The following TBC1D5 variants were observed in gnomAD, a reference collection of about 807,000 sequenced individuals.
TBC1D5 encodes TBC1 domain family member 5.
Under a neutral mutation model 100.3 loss-of-function variants are expected in TBC1D5, and 75 were observed. The observed-to-expected ratio is 0.75, with a 90% confidence interval of 0.62 to 0.91. The LOEUF is 0.91. Ranked by LOEUF, TBC1D5 falls within the 40% of genes least tolerant of loss-of-function variation. The pLI is 0.00. For synonymous variants in TBC1D5, 323 were observed against 325.6 expected (o/e 0.99, Z 0.09); for missense variants, 910 against 942.4 (o/e 0.97, Z 0.45).
intron 9 of TBC1D5, among the ~76,000 whole-genome samples, chr3:17,379,219 T>A (rs764073198): frequency 6.6e-6 from 1 of 152,008 alleles, no homozygotes; most frequent in African/African-American, 2.4e-5. Context: ...TTAAATTAAC[T>A]TGAGGAGAGT....
At chr3:17,710,384 G>A (rs1560528656) in intron 1 of TBC1D5, among the ~76,000 whole-genome samples, 1 of 152,030 alleles carries the variant, frequency 6.6e-6, no homozygotes, top group Non-Finnish European at 1.5e-5. Flanking sequence ...GACCAACATG[G>A]TGAAACCCCA....
At chr3:17,429,517 T>A (rs1200347238) in intron 3 of TBC1D5, among the ~76,000 whole-genome samples, 2 of 151,900 alleles carry the variant, frequency 1.3e-5, no homozygotes, top group African/African-American at 4.8e-5. Context: ...CAGCTTAATA[T>A]AACAATGATT....
chr3:17,398,601 G>A (rs1384530253), intron 8 of TBC1D5, among the ~76,000 whole-genome samples: 1 of 152,114 alleles, frequency 6.6e-6, no homozygotes, highest in African/African-American at 2.4e-5. Context: ...GCATCAACTT[G>A]GTGATAACCA....
chr3:17,417,497 C>T (rs1382642556), intron 4 of TBC1D5, among the ~76,000 whole-genome samples: 1 of 152,084 alleles, frequency 6.6e-6, no homozygotes, highest in Non-Finnish European at 1.5e-5. Context: ...CCAATTTCAT[C>T]CATGTCCCTA....
chr3:17,738,977 G>A (rs986573942), intron 1 of TBC1D5, among the ~76,000 whole-genome samples: 2 of 152,160 alleles, frequency 1.3e-5, no homozygotes, highest in African/African-American at 2.4e-5. Context: ...TTTACACTGA[G>A]ATTTGTTGTT....
chr3:17,533,386 T>G (rs1017725623), intron 2 of TBC1D5, among the ~76,000 whole-genome samples: 9 of 152,176 alleles, frequency 5.9e-5, no homozygotes, highest in African/African-American at 2.2e-4. Flanking sequence ...CTACTGAAGT[T>G]CCTGAGCTCC....
At chr3:17,256,657 A>G (rs1039185658) in intron 16 of TBC1D5, among the ~76,000 whole-genome samples, 2 of 152,184 alleles carry the variant, frequency 1.3e-5, no homozygotes, top group African/African-American at 2.4e-5. Context: ...TGCCTTCCCT[A>G]TACCAGTCAT....
At chr3:17,683,507 G>C (rs941141562) in intron 1 of TBC1D5, among the ~76,000 whole-genome samples, 5 of 146,504 alleles carry the variant, frequency 3.4e-5, no homozygotes, top group African/African-American at 1.4e-4. Context: ...GTTTAAGAAA[G>C]ATGACTAAAT....
chr3:17,526,620 T>C (rs970983043), intron 2 of TBC1D5, among the ~76,000 whole-genome samples: 5 of 152,324 alleles, frequency 3.3e-5, no homozygotes, highest in Admixed American at 2.6e-4. Context: ...CGTAAAATGG[T>C]GAATACTCAA....
intron 2 of TBC1D5, among the ~76,000 whole-genome samples, chr3:17,592,031 T>C (rs537015790): frequency 3.3e-5 from 5 of 152,348 alleles, no homozygotes; most frequent in East Asian, 1.9e-4. Flanking sequence ...TGTGGTTTCA[T>C]TGCTTGAGCA....
chr3:17,542,170 G>A (rs1576607084), intron 2 of TBC1D5, among the ~76,000 whole-genome samples: 1 of 152,186 alleles, frequency 6.6e-6, no homozygotes, highest in South Asian at 2.1e-4. Flanking sequence ...CACACTTGTA[G>A]TCTCAGCTAC....
At chr3:17,536,806 C>G (rs766300056) in intron 2 of TBC1D5, among the ~76,000 whole-genome samples, 1 of 152,164 alleles carries the variant, frequency 6.6e-6, no homozygotes, top group Non-Finnish European at 1.5e-5. Flanking sequence ...TTTAGGGATT[C>G]TTTAGGTGGC....
At chr3:17,358,775 G>A (rs893011548) in intron 13 of TBC1D5, among the ~76,000 whole-genome samples, 2 of 151,804 alleles carry the variant, frequency 1.3e-5, no homozygotes, top group African/African-American at 4.8e-5. Context: ...TAAAAAATTC[G>A]AGTATTTTTA....
intron 15 of TBC1D5, among the ~76,000 whole-genome samples, chr3:17,285,099 T>C (rs1448431662): frequency 6.6e-6 from 1 of 151,336 alleles, no homozygotes; most frequent in Non-Finnish European, 1.5e-5. Flanking sequence ...ATGGAAACAA[T>C]CTTGCTGTAA....
intron 13 of TBC1D5, among the ~76,000 whole-genome samples, chr3:17,322,972 A>C (rs1316686282): frequency 1.3e-5 from 2 of 152,252 alleles, no homozygotes; most frequent in Admixed American, 6.5e-5. Context: ...TAGAACATAC[A>C]TTAGAACTGC....
At position 17,284,847 on chromosome 3, in the gene TBC1D5, G is replaced by A. The variant is rs561239076; in HGVS notation, c.1245+7048C>T. Among the ~76,000 whole-genome samples the A allele has an allele frequency of 2.2e-4, 33 of 152,120 alleles. No homozygotes were observed. In the South Asian group the frequency reaches 5.6e-3, roughly 26 times the overall value. On this transcript the variant is annotated intron_variant, in intron 15 of 21. Coordinates refer to ENST00000253692, the Ensembl canonical transcript of TBC1D5. ...AAAGTCTTTATTTCTGATTGGATGTGAAAATACACCTAATTAGTCACTAAA... is the reference window on the plus strand; with the variant it reads ...AAAGTCTTTATTTCTGATTGGATGTAAAAATACACCTAATTAGTCACTAAA...
rs140596172 is a variant in TBC1D5 at position 17,520,852 on chromosome 3, A to T, written c.-35-12247T>A. On this transcript the variant is annotated intron_variant, in intron 2 of 21. Transcript: ENST00000253692. ...TTATCTGACAACCCTACCAGTAGAC[A>T]GACAAGGAGACACTGTAGGAGCTCC... Among the ~76,000 whole-genome samples the T allele has an allele frequency of 2.3e-3, 358 of 152,372 alleles. 2 individuals carry two copies. The highest frequency in any genetic ancestry group is 7.7e-3 in the African/African-American group (322 of 41,588).
At chr3:17,209,600 T>C (rs1029327851) in intron 18 of TBC1D5, among the ~76,000 whole-genome samples, 1 of 152,242 alleles carries the variant, frequency 6.6e-6, no homozygotes, top group African/African-American at 2.4e-5. Flanking sequence ...AGTGTGATTC[T>C]GATTAGATTC....
At chr3:17,169,328 G>GA (rs1170701288) in intron 19 of TBC1D5, among the ~76,000 whole-genome samples, 1 of 152,142 alleles carries the variant, frequency 6.6e-6, no homozygotes, top group Non-Finnish European at 1.5e-5. Flanking sequence ...AAATGAACAT[G>GA]AAAAAACACA....
Sources: allele counts gnomAD v4.1 joint callset (sites outside exome capture counted in the v4.1 genomes callset), GRCh38; gene constraint gnomAD v4.1.1; transcripts MANE v1.5; gene names NCBI Gene and HGNC (gene_info 2026-07-23, HGNC 2026-07-21).